The following PTPRM variants were observed in gnomAD, a reference collection of about 807,000 sequenced individuals.
PTPRM encodes the protein protein tyrosine phosphatase receptor type M, also known as receptor-type tyrosine-protein phosphatase mu.
PTPRM carries 47 observed loss-of-function variants against 186.7 expected under a neutral mutation model. The ratio of observed to expected loss-of-function variants is 0.25; its 90% CI spans 0.20 to 0.32. The LOEUF (loss-of-function observed/expected upper bound fraction) is 0.32, where lower values mean the gene tolerates loss of function less well. PTPRM is among the 10% of genes least tolerant of loss of function. The pLI, the probability that PTPRM is intolerant of heterozygous loss-of-function variation, is 1.00. For synonymous variants in PTPRM, 668 were observed against 674.9 expected (o/e 0.99, Z 0.16); for missense variants, 1,494 against 1,865.0 (o/e 0.80, Z 3.66).
At chr18:7,637,066 G>A (rs1397910077) in intron 1 of PTPRM, among the ~76,000 whole-genome samples, 4 of 151,452 alleles carry the variant, frequency 2.6e-5, no homozygotes, top group African/African-American at 9.7e-5. Flanking sequence ...TACTTGGGAG[G>A]CTGAGGCACA....
chr18:8,125,308 A>G (rs1315514261), intron 13 of PTPRM, among the ~76,000 whole-genome samples: 1 of 152,034 alleles, frequency 6.6e-6, no homozygotes, highest in Non-Finnish European at 1.5e-5. Context: ...GTGGAATGCT[A>G]GGACATTTCA....
At chr18:8,158,279 A>T (rs1178384803) in intron 14 of PTPRM, among the ~76,000 whole-genome samples, 1 of 152,208 alleles carries the variant, frequency 6.6e-6, no homozygotes, top group Non-Finnish European at 1.5e-5. Context: ...TTGATGTCTC[A>T]AGATGGAGTG....
chr18:7,816,899 A>C (rs1200723630), intron 2 of PTPRM, among the ~76,000 whole-genome samples: 1 of 152,222 alleles, frequency 6.6e-6, no homozygotes, highest in Non-Finnish European at 1.5e-5. Flanking sequence ...ATAGTTAAGC[A>C]TAATAACTGA....
chr18:8,191,144 T>C (rs762665517), intron 14 of PTPRM, among the ~76,000 whole-genome samples: 1 of 152,170 alleles, frequency 6.6e-6, no homozygotes, highest in Admixed American at 6.5e-5. Flanking sequence ...TGAGAAAAGC[T>C]GCAGTCACAC....
intron 32 of PTPRM, among the ~76,000 whole-genome samples, chr18:8,401,875 T>C (rs1036807703): frequency 6.6e-6 from 1 of 152,210 alleles, no homozygotes; most frequent in African/African-American, 2.4e-5. Context: ...GGGGCCAGCG[T>C]CAGGGACCTT....
At chr18:7,897,142 A>T (rs1202431322) in intron 3 of PTPRM, among the ~76,000 whole-genome samples, 2 of 152,208 alleles carry the variant, frequency 1.3e-5, no homozygotes, top group African/African-American at 4.8e-5. Flanking sequence ...AACAAAGTAG[A>T]ACTGCTTCGT....
chr18:8,400,879 T>C (rs933304353), intron 32 of PTPRM, among the ~76,000 whole-genome samples: 2 of 152,186 alleles, frequency 1.3e-5, no homozygotes, highest in African/African-American at 4.8e-5. Flanking sequence ...GCTGTGCATG[T>C]GTGTGTGCAT....
At chr18:7,627,721 C>T (rs567468119) in intron 1 of PTPRM, among the ~76,000 whole-genome samples, 10 of 152,192 alleles carry the variant, frequency 6.6e-5, no homozygotes, top group Non-Finnish European at 1.3e-4. Flanking sequence ...TAAATGCCTC[C>T]TTCAACATTT....
chr18:8,377,224 G>A lies in PTPRM; in HGVS notation c.3462+627G>A, dbSNP rs569168838. 9 of 152,252 alleles carry A rather than the reference G, an allele frequency of 5.9e-5. No individual in the cohort carries two copies. The East Asian group carries it at 9.7e-4, about 16-fold the overall frequency. The allele number at this position is 152,252 out of a possible 1,614,324, so 9.4% of individuals were successfully genotyped here. On this transcript the variant is annotated intron_variant, in intron 26 of 32. Coordinates refer to ENST00000580170, the MANE Select transcript of PTPRM (RefSeq NM_001105244.2). ...GATTGTTTTAAGTAGGCGTCACACC[G>A]ACCACCTGGAAAATGATTCATGAAG...
intron 2 of PTPRM, among the ~76,000 whole-genome samples, chr18:7,801,695 A>G (rs143585030): frequency 0.015 from 2,262 of 152,300 alleles, 62 homozygotes; most frequent in African/African-American, 0.05. Context: ...GGCTTTTTAC[A>G]CTAGCAGCAA....
intron 7 of PTPRM, among the ~76,000 whole-genome samples, chr18:7,981,919 G>A (rs918637312): frequency 2.2e-4 from 33 of 152,226 alleles, no homozygotes; most frequent in African/African-American, 7.7e-4. Flanking sequence ...GATAAAAATG[G>A]CACACCTGTA....
chr18:8,320,846 T>A (rs990645744), intron 22 of PTPRM, among the ~76,000 whole-genome samples: 1 of 152,198 alleles, frequency 6.6e-6, no homozygotes, highest in Non-Finnish European at 1.5e-5. Context: ...CCAAGGTCAC[T>A]TTGCTAGCTA....
chr18:7,610,428 C>T (rs1438729498), intron 1 of PTPRM, among the ~76,000 whole-genome samples: 1 of 152,040 alleles, frequency 6.6e-6, no homozygotes, highest in East Asian at 1.9e-4. Context: ...CTCCAGAACC[C>T]TTTAAGAAGA....
intron 24 of PTPRM, among the ~76,000 whole-genome samples, chr18:8,373,988 T>A (rs2148474313): frequency 6.6e-6 from 1 of 152,262 alleles, no homozygotes; most frequent in Middle Eastern, 3.4e-3. Flanking sequence ...TTGGGAGGTA[T>A]TTGGGCTGTG....
At chr18:8,339,195 C>T (rs1453631867) in intron 22 of PTPRM, among the ~76,000 whole-genome samples, 1 of 151,604 alleles carries the variant, frequency 6.6e-6, no homozygotes, top group Non-Finnish European at 1.5e-5. Context: ...AAAAAACGTT[C>T]CGCCCCCTTT....
chr18:7,928,994 C>G (rs1335501224), intron 5 of PTPRM, among the ~76,000 whole-genome samples: 3 of 152,132 alleles, frequency 2.0e-5, no homozygotes, highest in Non-Finnish European at 4.4e-5. Context: ...AGCCCTGACT[C>G]TACTATAGAA....
intron 1 of PTPRM, among the ~76,000 whole-genome samples, chr18:7,769,396 G>C (rs1342464424): frequency 6.6e-6 from 1 of 152,130 alleles, no homozygotes; most frequent in Admixed American, 6.5e-5. Flanking sequence ...GAGTTGGTGT[G>C]AGGATTAAAC....
At chr18:8,369,991 T>C (rs1373232939) in intron 23 of PTPRM, among the ~76,000 whole-genome samples, 1 of 151,900 alleles carries the variant, frequency 6.6e-6, no homozygotes, top group Non-Finnish European at 1.5e-5. Flanking sequence ...AAACATTAAA[T>C]TCAGCACATG....
intron 2 of PTPRM, among the ~76,000 whole-genome samples, chr18:7,776,661 A>G (rs2155525): frequency 1.3e-5 from 2 of 152,086 alleles, no homozygotes; most frequent in Non-Finnish European, 2.9e-5. Flanking sequence ...CTACTTGGGG[A>G]AAAAAAGTTA....
Sources: gnomAD v4.1 joint callset for allele counts (sites outside exome capture counted in the v4.1 genomes callset) on GRCh38, gnomAD v4.1.1 for gene constraint, MANE v1.5 for transcripts, NCBI Gene and HGNC (gene_info 2026-07-23, HGNC 2026-07-21) for gene names.